SRPK2: variants seen among roughly 807,000 people sequenced by gnomAD.
SRPK2 encodes SFRS protein kinase 2.
Under a neutral mutation model 90.8 loss-of-function variants are expected in SRPK2, and 21 were observed. The ratio of observed to expected loss-of-function variants is 0.23; its 90% CI spans 0.16 to 0.33. The LOEUF is 0.33. Ranked by LOEUF, SRPK2 falls within the 10% of genes least tolerant of loss-of-function variation. The pLI is 1.00. For missense variants in SRPK2, 620 were observed against 869.0 expected, an observed-to-expected ratio of 0.71 and a Z score of 3.60; for synonymous variants, 288 against 311.1, an observed-to-expected ratio of 0.93 and a Z score of 0.78.
chr7:105,372,700 G>A (rs1195060743), intron 2 of SRPK2, among the ~76,000 whole-genome samples: 1 of 152,098 alleles, frequency 6.6e-6, no homozygotes, highest in Non-Finnish European at 1.5e-5. Flanking sequence ...TAAGAATCTG[G>A]CAACTCCAGG....
intron 13 of SRPK2, among the ~76,000 whole-genome samples, chr7:105,129,613 G>C (rs577442488): frequency 1.3e-5 from 2 of 152,270 alleles, no homozygotes; most frequent in African/African-American, 2.4e-5. Flanking sequence ...GGCCTCAAGT[G>C]ATCTGCCTGC....
chr7:105,331,852 C>T (rs533418657), intron 2 of SRPK2, among the ~76,000 whole-genome samples: 7 of 152,234 alleles, frequency 4.6e-5, no homozygotes, highest in Admixed American at 1.3e-4. Flanking sequence ...TCAAAGCTGA[C>T]GACAGAAGGA....
At chr7:105,182,705 C>T (rs983879342) in intron 3 of SRPK2, among the ~76,000 whole-genome samples, 14 of 152,268 alleles carry the variant, frequency 9.2e-5, no homozygotes, top group Non-Finnish European at 1.5e-4. Flanking sequence ...TAGCCTCAAG[C>T]AATCCACCTG....
intron 2 of SRPK2, among the ~76,000 whole-genome samples, chr7:105,287,282 A>AC (rs1563195071): frequency 3.7e-5 from 2 of 53,856 alleles, no homozygotes; most frequent in African/African-American, 1.4e-4. Flanking sequence ...AAAAAAAAAA[A>AC]AAGAAGAAAA....
intron 3 of SRPK2, among the ~76,000 whole-genome samples, chr7:105,178,983 T>C (rs933391682): frequency 1.3e-5 from 2 of 152,168 alleles, no homozygotes; most frequent in Non-Finnish European, 2.9e-5. Flanking sequence ...TGAATGTAAA[T>C]TGTGCTTTAA....
At chr7:105,320,160 T>C (rs1812783365) in intron 2 of SRPK2, among the ~76,000 whole-genome samples, 1 of 152,172 alleles carries the variant, frequency 6.6e-6, no homozygotes, top group Non-Finnish European at 1.5e-5. Context: ...TAAAGCAACA[T>C]CTATACTTTT....
At chr7:105,140,474 G>A (rs1269385958) in intron 11 of SRPK2, among the ~76,000 whole-genome samples, 2 of 151,796 alleles carry the variant, frequency 1.3e-5, no homozygotes, top group Admixed American at 1.3e-4. Flanking sequence ...GGTGACGGGC[G>A]CCTGTAATCC....
intron 6 of SRPK2, among the ~76,000 whole-genome samples, chr7:105,161,231 C>G (rs1161178093): frequency 1.3e-5 from 2 of 152,118 alleles, no homozygotes; most frequent in African/African-American, 4.8e-5. Context: ...AGCCCATATA[C>G]TTTATTTAAA....
At chr7:105,140,623 G>A (rs918557219) in intron 11 of SRPK2, among the ~76,000 whole-genome samples, 1 of 151,130 alleles carries the variant, frequency 6.6e-6, no homozygotes, top group Non-Finnish European at 1.5e-5. Flanking sequence ...ATAAATGAAT[G>A]AATAAAATAG....
At chr7:105,149,658 C>T (rs928690056) in intron 7 of SRPK2, among the ~76,000 whole-genome samples, 8 of 152,162 alleles carry the variant, frequency 5.3e-5, no homozygotes, top group Non-Finnish European at 1.2e-4. Flanking sequence ...GGGCAGGCCA[C>T]TCCTTCAATC....
chr7:105,202,180 T>C (rs1486594779), intron 3 of SRPK2, among the ~76,000 whole-genome samples: 2 of 152,228 alleles, frequency 1.3e-5, no homozygotes, highest in Non-Finnish European at 2.9e-5. Flanking sequence ...TAGAGTAGAT[T>C]AGTTCCTACA....
At chr7:105,171,693 A>G (rs1029138977) in intron 3 of SRPK2, among the ~76,000 whole-genome samples, 1 of 152,186 alleles carries the variant, frequency 6.6e-6, no homozygotes, top group Non-Finnish European at 1.5e-5. Flanking sequence ...TGAGATTCTT[A>G]CCCTTCTACT....
intron 3 of SRPK2, among the ~76,000 whole-genome samples, chr7:105,187,247 A>G (rs1227342824): frequency 2.6e-5 from 4 of 152,186 alleles, no homozygotes; most frequent in Admixed American, 6.5e-5. Context: ...AGACTGATCA[A>G]CTAGCTCCAA....
At chr7:105,317,761 C>A (rs1247287113) in intron 2 of SRPK2, among the ~76,000 whole-genome samples, 1 of 151,974 alleles carries the variant, frequency 6.6e-6, no homozygotes, top group Non-Finnish European at 1.5e-5. Flanking sequence ...TAAAAAGTAC[C>A]CCTTTTTGTT....
At chr7:105,228,065 G>A (rs142820691) in intron 2 of SRPK2, among the ~76,000 whole-genome samples, 193 of 151,980 alleles carry the variant, frequency 1.3e-3, no homozygotes, top group African/African-American at 4.1e-3. Flanking sequence ...TTTCTGAGAC[G>A]AGGTCTCACT....
At chr7:105,204,679 C>A in intron 2 of SRPK2, 3 of 969,598 alleles carry the variant, frequency 3.1e-6, no homozygotes, top group Non-Finnish European at 4.6e-6. Context: ...ATTTCTGCAA[C>A]GGCAGCCCTC....
rs1441453022 is a variant in SRPK2 at position 105,203,757 on chromosome 7, C to A, written c.100G>T (p.Val34Phe). 6.2e-7 allele frequency: 1 copy of A among 1,600,042 alleles called. No homozygotes were observed. The highest frequency in any genetic ancestry group is 1.7e-5 in the Admixed American group (1 of 57,492). Reference sequence around the variant, plus strand: ...GGTGGTGGCGGTGGAGGAGGAGGAACTAAAGGAGCTTTCTGTTGAGGCTCC... The same window carrying A: ...GGTGGTGGCGGTGGAGGAGGAGGAAATAAAGGAGCTTTCTGTTGAGGCTCC... ...KPEPQQKAPL[V>F]PPPPPPPPPP... Residue 34 changes from valine (V) to phenylalanine (F), a missense_variant, in exon 3 of 16, where the codon GTT (valine) becomes TTT (phenylalanine). By Grantham distance (50) the Val-to-Phe change is conservative (BLOSUM62 -1). Transcript: ENST00000393651.
intron 1 of SRPK2, 31 bp downstream of exon 1, chr7:105,388,760 G>A (rs745532018): frequency 6.5e-7 from 1 of 1,532,326 alleles, no homozygotes; most frequent in Non-Finnish European, 8.8e-7. Flanking sequence ...TGGCCGCGTG[G>A]CGGGGAGAGG....
chr7:105,377,449 T>C (rs975191093), intron 2 of SRPK2, among the ~76,000 whole-genome samples: 2 of 151,852 alleles, frequency 1.3e-5, no homozygotes, highest in African/African-American at 2.4e-5. Context: ...TCCCAGCACT[T>C]TGGGGGGCGG....
Sources: allele counts gnomAD v4.1 joint callset (sites outside exome capture counted in the v4.1 genomes callset), GRCh38; gene constraint gnomAD v4.1.1; transcripts MANE v1.5; gene names NCBI Gene and HGNC (gene_info 2026-07-23, HGNC 2026-07-21).